SCEL: variants seen among roughly 807,000 people sequenced by gnomAD.
SCEL encodes the protein sciellin.
Under a neutral mutation model 117.6 loss-of-function variants are expected in SCEL, and 113 were observed. The observed-to-expected ratio is 0.96, with a 90% CI of 0.83 to 1.12. SCEL has a LOEUF of 1.12. Ranked by LOEUF, SCEL falls within the 50% of genes most tolerant of loss-of-function variation. The pLI is 0.00. For synonymous variants in SCEL, 270 were observed against 256.2 expected, an observed-to-expected ratio of 1.05 and a Z score of -0.51; for missense variants, 785 against 810.8, an observed-to-expected ratio of 0.97 and a Z score of 0.39.
intron 22 of SCEL, among the ~76,000 whole-genome samples, chr13:77,611,007 A>T (rs2154403011): frequency 6.6e-6 from 1 of 152,308 alleles, no homozygotes; most frequent in Admixed American, 6.5e-5. Context: ...AGATACCAAG[A>T]TATATATCTT....
At chr13:77,572,330 A>G in intron 9 of SCEL, 141 bp downstream of exon 9, 1 of 650,812 alleles carries the variant, frequency 1.5e-6, no homozygotes, top group Non-Finnish European at 2.6e-6. Flanking sequence ...GAGAGTGTCC[A>G]GTGGTTGTAA....
chr13:77,564,272 G>T (rs2085159967), intron 5 of SCEL, among the ~76,000 whole-genome samples: 1 of 150,074 alleles, frequency 6.7e-6, no homozygotes, highest in South Asian at 2.1e-4. Flanking sequence ...AAAAACGTTA[G>T]TCCATGCAAC....
Position 77,591,636 on chromosome 13 carries a change from T to G in SCEL, c.692+176T>G, listed in dbSNP as rs997226147. ...ACTTTCAGAATTTTGTTCCTTTTAA[T>G]TCTATCCCAAACTTTCCATTAAGAA... is the stretch of plus-strand genomic sequence containing the variant. On this transcript the variant is annotated intron_variant, in intron 11 of 32. Coordinates refer to ENST00000349847, the MANE Select transcript of SCEL (RefSeq NM_144777.3). 3.9e-5 allele frequency among the ~76,000 whole-genome samples: 6 copies of G among 152,328 alleles called. No individual in the cohort carries two copies. The Middle Eastern group carries it at 0.014, about 345-fold the overall frequency.
intron 27 of SCEL, among the ~76,000 whole-genome samples, chr13:77,625,268 T>C (rs1166989581): frequency 1.3e-5 from 2 of 152,240 alleles, no homozygotes; most frequent in Non-Finnish European, 1.5e-5. Flanking sequence ...AAGGGGAAGA[T>C]CTCTTAATGG....
intron 21 of SCEL, among the ~76,000 whole-genome samples, 187 bp from the exon 22 acceptor site, chr13:77,609,860 T>C (rs113034722): frequency 7.9e-5 from 12 of 152,290 alleles, no homozygotes; most frequent in African/African-American, 2.4e-4. Context: ...ATTATTTCTC[T>C]CCAGTTTTAG....
At position 77,642,622 on chromosome 13, in the gene SCEL, G is replaced by A. The variant is rs371432486; in HGVS notation, c.1948-84G>A. The A allele has an allele frequency of 1.1e-4, 80 of 749,884 alleles. 1 individual carries two copies. Among genetic ancestry groups the A allele is most frequent in the African/African-American group, 1.0e-3 (58 of 56,482 alleles). 46.5% of individuals were successfully genotyped at this position (749,884 alleles called of 1,614,324 possible). ...GATAAACATCCCTTAAAAGTGCCTC[G>A]ATGGTAGAGAGATGATGTCTGTTCC... is the stretch of plus-strand genomic sequence containing the variant. On this transcript the variant is annotated intron_variant, in intron 31 of 32. Transcript: ENST00000349847.
At chr13:77,544,993 C>T (rs1227189039) in intron 1 of SCEL, among the ~76,000 whole-genome samples, 1 of 152,186 alleles carries the variant, frequency 6.6e-6, no homozygotes, top group African/African-American at 2.4e-5. Context: ...TTCCCTCTCT[C>T]CTCAGACTTT....
chr13:77,629,375 C>G (rs1358672440), intron 28 of SCEL, among the ~76,000 whole-genome samples: 2 of 126,714 alleles, frequency 1.6e-5, no homozygotes, highest in Non-Finnish European at 3.3e-5. Context: ...GTTTGATAAC[C>G]AAATTTTTTT....
intron 9 of SCEL, among the ~76,000 whole-genome samples, chr13:77,588,802 T>C (rs2086704225): frequency 6.6e-6 from 1 of 152,156 alleles, no homozygotes; most frequent in Non-Finnish European, 1.5e-5. Flanking sequence ...AAGGACCATT[T>C]ACAGTTCTCA....
chr13:77,568,304 C>T lies in SCEL; in HGVS notation c.369C>T (p.Ser123=). Residue 123 remains serine, a synonymous_variant, in exon 7 of 33, where the codon TCC becomes TCT. Transcript: ENST00000349847. The part of the protein sequence containing the change: ...LDNQLTNRSM[S]MFRSLEVTKL... ...CTTTCTCTCTTACCAGGAGCATGTC[C>T]ATGTTTAGATCACTGGAAGTAACAA... 6.4e-7 allele frequency: 1 copy of T among 1,566,148 alleles called. No individual in the cohort carries two copies. Among genetic ancestry groups the T allele is most frequent in the South Asian group, 1.1e-5 (1 of 88,092 alleles).
At position 77,572,158 on chromosome 13, in the gene SCEL, A is replaced by G. The variant is rs1231468636; in HGVS notation, c.514A>G (p.Asn172Asp). 6.2e-7 allele frequency: 1 copy of G among 1,612,806 alleles called. No individual in the cohort carries two copies. Among genetic ancestry groups the G allele is most frequent in the East Asian group, 2.2e-5 (1 of 44,806 alleles). The change falls in exon 9 of 33, where the codon AAT becomes GAT. Residue 172 changes from asparagine (N) to aspartate (D), a missense_variant. Asn to Asp is a conservative substitution (Grantham distance 23). Transcript: ENST00000349847. ...GTTTCCACCGCCCCCTCCAGGTTAC[A>G]ATGCCTCCTCGAGCACAGGAACCAG... ...SWFPPPPPGYNASSSTGTRRR... is the reference protein window; with the variant it reads ...SWFPPPPPGYDASSSTGTRRR...
chr13:77,583,594 A>G (rs532518245), intron 9 of SCEL, among the ~76,000 whole-genome samples: 4 of 152,182 alleles, frequency 2.6e-5, no homozygotes, highest in Non-Finnish European at 5.9e-5. Context: ...CCAATTTTTA[A>G]TAGATTCGCA....
intron 24 of SCEL, among the ~76,000 whole-genome samples, chr13:77,615,782 A>G (rs546875554): frequency 4.9e-4 from 74 of 152,210 alleles, no homozygotes; most frequent in African/African-American, 1.8e-3. Context: ...TGTTTTATTA[A>G]CACATGGTGT....
chr13:77,603,671 C>T (rs893903382), intron 18 of SCEL, among the ~76,000 whole-genome samples: 1 of 152,188 alleles, frequency 6.6e-6, no homozygotes, highest in Non-Finnish European at 1.5e-5. Context: ...TTAGATTCTG[C>T]TGCTGCCTTT....
At chr13:77,538,353 G>A (rs2083522177) in intron 1 of SCEL, among the ~76,000 whole-genome samples, 1 of 152,160 alleles carries the variant, frequency 6.6e-6, no homozygotes, top group Admixed American at 6.5e-5. Flanking sequence ...CTGACCTCAA[G>A]TGATGTACCC....
intron 4 of SCEL, among the ~76,000 whole-genome samples, chr13:77,563,241 T>C (rs1052678912): frequency 6.6e-6 from 1 of 151,976 alleles, no homozygotes; most frequent in Non-Finnish European, 1.5e-5. Context: ...TTTCTCTCAC[T>C]TCCCACTTTC....
chr13:77,540,478 G>C, intron 1 of SCEL, among the ~76,000 whole-genome samples: 1 of 152,228 alleles, frequency 6.6e-6, no homozygotes, highest in East Asian at 1.9e-4. Flanking sequence ...AGCCTGGGGA[G>C]GAAGGAGTGG....
At chr13:77,600,072 G>A in intron 15 of SCEL, 2 of 277,136 alleles carry the variant, frequency 7.2e-6, no homozygotes, top group Non-Finnish European at 1.4e-5. Context: ...AGAATAGGTT[G>A]GTTTATGAAC....
rs11841309 is a variant in SCEL, at chr13:77,598,695, G to A, written c.798-634G>A. ...AGTTTTGTTGTTTGTTTGTTCATTC[G>A]TTTTAGAGACAGGGTCTCGCTCTGT... On this transcript the variant is annotated intron_variant, in intron 13 of 32. Transcript: ENST00000349847. 9.3e-3 allele frequency among the ~76,000 whole-genome samples: 1,407 copies of A among 152,048 alleles called. 28 individuals carry two copies. Among genetic ancestry groups the A allele is most frequent in the African/African-American group, 0.031 (1,288 of 41,474 alleles).
Sources: gnomAD v4.1 joint callset for allele counts (sites outside exome capture counted in the v4.1 genomes callset) on GRCh38, gnomAD v4.1.1 for gene constraint, MANE v1.5 for transcripts, NCBI Gene and HGNC (gene_info 2026-07-23, HGNC 2026-07-21) for gene names.